The following QTMAN variants were observed in gnomAD, a reference collection of about 807,000 sequenced individuals.
QTMAN encodes the protein tRNA-queuosine alpha-mannosyltransferase.
chr2:144,301,611 C>G, the QTMAN span, among the ~76,000 whole-genome samples: 2 of 152,174 alleles, frequency 1.3e-5, no homozygotes, highest in African/African-American at 4.8e-5. Flanking sequence ...AATATCACAA[C>G]CTGAATTCAC....
the QTMAN span, among the ~76,000 whole-genome samples, chr2:144,033,676 A>T: frequency 2.6e-5 from 4 of 152,152 alleles, no homozygotes; most frequent in Non-Finnish European, 4.4e-5. Context: ...GGTGGGGCCA[A>T]AAGTTCCAAC....
the QTMAN span, among the ~76,000 whole-genome samples, chr2:144,162,877 TA>T: frequency 6.6e-6 from 1 of 152,136 alleles, no homozygotes; most frequent in African/African-American, 2.4e-5. Context: ...AGTTTGCAGA[TA>T]GGGGGCATCA....
At chr2:144,283,989 T>C in the QTMAN span, among the ~76,000 whole-genome samples, 1 of 151,988 alleles carries the variant, frequency 6.6e-6, no homozygotes, top group African/African-American at 2.4e-5. Flanking sequence ...GAAAGTCTAT[T>C]TGAATTAAAA....
At chr2:144,320,263 G>A in the QTMAN span, among the ~76,000 whole-genome samples, 4 of 152,244 alleles carry the variant, frequency 2.6e-5, no homozygotes, top group South Asian at 8.3e-4. Context: ...GGTCCATAAA[G>A]ACTAAAATAG....
the QTMAN span, among the ~76,000 whole-genome samples, chr2:144,300,954 GTTT>G: frequency 6.6e-6 from 1 of 152,008 alleles, no homozygotes; most frequent in African/African-American, 2.4e-5. Flanking sequence ...ATATCTGCAA[GTTT>G]TTACTCTGAG....
At chr2:144,173,674 T>C in the QTMAN span, among the ~76,000 whole-genome samples, 1 of 152,166 alleles carries the variant, frequency 6.6e-6, no homozygotes, top group Admixed American at 6.6e-5. Context: ...TGGGCATGAT[T>C]TCCTTTGTTA....
the QTMAN span, among the ~76,000 whole-genome samples, chr2:143,990,424 G>A: frequency 6.6e-6 from 1 of 152,150 alleles, no homozygotes; most frequent in Non-Finnish European, 1.5e-5. Flanking sequence ...ATGAATTAGA[G>A]GGTGCCAAGG....
chr2:144,214,590 A>G, the QTMAN span, among the ~76,000 whole-genome samples: 1 of 152,168 alleles, frequency 6.6e-6, no homozygotes, highest in Admixed American at 6.6e-5. Context: ...AAATAGCAAC[A>G]TTTCGCTTTA....
At chr2:144,238,290 C>A in the QTMAN span, among the ~76,000 whole-genome samples, 1 of 152,132 alleles carries the variant, frequency 6.6e-6, no homozygotes, top group African/African-American at 2.4e-5. Context: ...GCATTTTGTT[C>A]TTCTGAAACA....
chr2:144,039,220 T>C, the QTMAN span, among the ~76,000 whole-genome samples: 1,504 of 152,284 alleles, frequency 9.9e-3, 25 homozygotes, highest in African/African-American at 0.034. Context: ...TCTCAAAGAC[T>C]TGAATATGCG....
the QTMAN span, among the ~76,000 whole-genome samples, chr2:144,181,445 T>C: frequency 3.3e-5 from 5 of 152,220 alleles, no homozygotes; most frequent in East Asian, 7.7e-4. Flanking sequence ...ATTATTCAAA[T>C]GTATTTACAT....
At chr2:144,127,701 C>T in the QTMAN span, among the ~76,000 whole-genome samples, 1 of 151,964 alleles carries the variant, frequency 6.6e-6, no homozygotes, top group Non-Finnish European at 1.5e-5. Flanking sequence ...ATATATTCCA[C>T]ACTTTACCTA....
At chr2:144,182,828 A>ATTTTTT in the QTMAN span, among the ~76,000 whole-genome samples, 1 of 67,212 alleles carries the variant, frequency 1.5e-5, no homozygotes, top group Non-Finnish European at 2.6e-5. Context: ...TTATATATAT[A>ATTTTTT]ATATATATAT....
chr2:144,010,259 T>G, the QTMAN span, among the ~76,000 whole-genome samples: 1 of 152,054 alleles, frequency 6.6e-6, no homozygotes, highest in African/African-American at 2.4e-5. Flanking sequence ...GACAAGGAAT[T>G]TAGCTGTGGG....
chr2:143,970,646 G>A, the QTMAN span: 4 of 1,437,982 alleles, frequency 2.8e-6, no homozygotes, highest in African/African-American at 4.2e-5. Context: ...AAATTCAACA[G>A]AGGTACCTGG....
At chr2:144,130,504 T>A in the QTMAN span, among the ~76,000 whole-genome samples, 1 of 151,956 alleles carries the variant, frequency 6.6e-6, no homozygotes, top group African/African-American at 2.4e-5. Flanking sequence ...TTACAATTTG[T>A]GGCAGAGCTC....
the QTMAN span, among the ~76,000 whole-genome samples, chr2:144,202,996 C>A: frequency 6.6e-6 from 1 of 152,110 alleles, no homozygotes; most frequent in East Asian, 1.9e-4. Flanking sequence ...ACTATAAACT[C>A]CATAACAAGA....
the QTMAN span, among the ~76,000 whole-genome samples, chr2:144,242,290 T>C: frequency 6.6e-6 from 1 of 151,984 alleles, no homozygotes; most frequent in East Asian, 1.9e-4. Context: ...AGAAAAAATA[T>C]GAACCAAGGG....
At chr2:144,098,584 A>G in the QTMAN span, among the ~76,000 whole-genome samples, 13 of 151,856 alleles carry the variant, frequency 8.6e-5, no homozygotes, top group African/African-American at 3.1e-4. Flanking sequence ...ATGTGGCGGC[A>G]TGCACCTGTA....
Sources: allele counts gnomAD v4.1 joint callset (sites outside exome capture counted in the v4.1 genomes callset), GRCh38; gene constraint gnomAD v4.1.1; transcripts MANE v1.5; gene names NCBI Gene and HGNC (gene_info 2026-07-23, HGNC 2026-07-21).